PLCH2: variants seen among roughly 807,000 people sequenced by gnomAD.
PLCH2 encodes the protein 1-phosphatidylinositol 4,5-bisphosphate phosphodiesterase eta-2.
A neutral mutation model predicts 134.7 loss-of-function variants in PLCH2; 98 were observed. The ratio of observed to expected loss-of-function variants is 0.73; its 90% confidence interval spans 0.62 to 0.86. The LOEUF is 0.86. Ranked by LOEUF, PLCH2 falls within the 40% of genes least tolerant of loss-of-function variation. PLCH2 has a pLI of 0.00. For synonymous variants in PLCH2, 974 were observed against 827.5 expected (o/e 1.18, Z -3.04); for missense variants, 1,994 against 1,986.6 (o/e 1.00, Z -0.07).
upstream of PLCH2, among the ~76,000 whole-genome samples, chr1:2,424,965 A>G (rs368685684): frequency 1.6e-4 from 25 of 152,030 alleles, no homozygotes; most frequent in African/African-American, 4.1e-4. Flanking sequence ...CATCCTGGGC[A>G]ACAGAGCAAG....
intron 11 of PLCH2, 47 bp from the exon 12 acceptor site, chr1:2,494,809 G>T (rs41307848): frequency 7.2e-7 from 1 of 1,396,800 alleles, no homozygotes; most frequent in Non-Finnish European, 1.0e-6. Flanking sequence ...CTCCCTGCCT[G>T]GTTCAAGGCT....
intron 20 of PLCH2, chr1:2,500,698 C>G (rs1643171046): frequency 1.3e-5 from 2 of 152,230 alleles, no homozygotes; most frequent in Non-Finnish European, 2.9e-5. Flanking sequence ...TCCGGGGGCC[C>G]TGGCCATCCC....
At chr1:2,485,098 T>C (rs1642219949) in intron 5 of PLCH2, among the ~76,000 whole-genome samples, 1 of 152,098 alleles carries the variant, frequency 6.6e-6, no homozygotes, top group Non-Finnish European at 1.5e-5. Flanking sequence ...CCCGCCACAA[T>C]ATCCACTCAC....
At chr1:2,488,422 A>G (rs866351673) in intron 8 of PLCH2, among the ~76,000 whole-genome samples, 2 of 152,196 alleles carry the variant, frequency 1.3e-5, no homozygotes, top group African/African-American at 4.8e-5. Context: ...CTGTGCAGGC[A>G]CAATGTTCTC....
intron 4 of PLCH2, among the ~76,000 whole-genome samples, chr1:2,480,796 C>T: frequency 6.6e-6 from 1 of 152,254 alleles, no homozygotes; most frequent in East Asian, 1.9e-4. Context: ...CAGCCTTCAG[C>T]TGAGCTGCGG....
intron 20 of PLCH2, chr1:2,501,829 A>G (rs1643240636): frequency 5.1e-6 from 2 of 391,686 alleles, no homozygotes; most frequent in Non-Finnish European, 9.0e-6. Context: ...AGGGCCCCAC[A>G]TGCCCTGGAC....
chr1:2,484,604 C>T lies in PLCH2; in HGVS notation c.802C>T (p.Gln268Ter). 6.2e-7 allele frequency: 1 copy of T among 1,611,926 alleles called. No individual in the cohort carries two copies. Among genetic ancestry groups the T allele is most frequent in the Non-Finnish European group, 8.5e-7 (1 of 1,179,750 alleles). ...LDAASLQRFL[Q>*]VEQKMAGVTL... is the part of the protein sequence containing the mutation. ...TGCCGCCAGCCTGCAGCGCTTCCTGCAGGTGGAGCAGAAGGTGTGCTGCCC... is the reference window on the plus strand; with the variant it reads ...TGCCGCCAGCCTGCAGCGCTTCCTGTAGGTGGAGCAGAAGGTGTGCTGCCC... The change falls in exon 5 of 22, where the codon CAG becomes TAG. Residue 268 changes from glutamine (Q) to a stop codon, truncating the protein, a stop_gained. Transcript: ENST00000378486. LOFTEE classifies it high-confidence loss of function.
upstream of PLCH2, among the ~76,000 whole-genome samples, chr1:2,474,265 T>C (rs1249649130): frequency 2.6e-5 from 4 of 152,164 alleles, no homozygotes; most frequent in East Asian, 3.9e-4. Context: ...CCACGTCTCT[T>C]GGCCCGGGGC....
At chr1:2,452,759 G>A (rs1457869218) in intron 2 of PLCH2, among the ~76,000 whole-genome samples, 1 of 152,208 alleles carries the variant, frequency 6.6e-6, no homozygotes, top group East Asian at 1.9e-4. Context: ...GTCAGCCTTG[G>A]TCCTGGGAGG....
intron 12 of PLCH2, 41 bp downstream of exon 12, chr1:2,494,989 A>C (rs751708957): frequency 1.2e-5 from 17 of 1,374,606 alleles, no homozygotes; most frequent in South Asian, 1.1e-4. Flanking sequence ...GTCTGGGCCC[A>C]GTGTCCTCCC....
Position 2,504,178 on chromosome 1 carries a change from C to A in PLCH2, c.3216C>A (p.Pro1072=). The change falls in exon 22 of 22, where the codon CCC becomes CCA. Residue 1072 remains proline, a synonymous_variant. Transcript: ENST00000378486. ...CCGGCGGGGCATACGAGAGGGCCCCCGGCAGCCAGACGGACGGCAGGAGCC... is the reference window on the plus strand; with the variant it reads ...CCGGCGGGGCATACGAGAGGGCCCCAGGCAGCCAGACGGACGGCAGGAGCC... ...EGAGGAYERA[P]GSQTDGRSQP... The A allele has an allele frequency of 6.5e-7, 1 of 1,538,008 alleles. No individual in the cohort carries two copies. Among genetic ancestry groups the A allele is most frequent in the Non-Finnish European group, 8.7e-7 (1 of 1,143,360 alleles).
chr1:2,417,150 T>C, the PLCH2 span, among the ~76,000 whole-genome samples: 43 of 152,246 alleles, frequency 2.8e-4, no homozygotes, highest in African/African-American at 8.9e-4. Flanking sequence ...GTCGCTGGGA[T>C]TGGGGAGGGG....
chr1:2,466,679 G>T (rs908867985), upstream of PLCH2, among the ~76,000 whole-genome samples: 1 of 152,248 alleles, frequency 6.6e-6, no homozygotes, highest in Admixed American at 6.5e-5. Context: ...CCTTGGGGCA[G>T]AGGTGGTACC....
upstream of PLCH2, among the ~76,000 whole-genome samples, chr1:2,423,494 C>A (rs1638623033): frequency 6.6e-6 from 1 of 152,104 alleles, no homozygotes; most frequent in Non-Finnish European, 1.5e-5. Context: ...TTAATGATTG[C>A]AGGTGCCAAG....
upstream of PLCH2, among the ~76,000 whole-genome samples, chr1:2,464,709 C>A (rs1403561001): frequency 6.6e-6 from 1 of 152,226 alleles, no homozygotes; most frequent in East Asian, 1.9e-4. Context: ...CCACCCCTAC[C>A]CCTGTGAGAT....
rs1052532543 is a variant in PLCH2, at chr1:2,484,999, G to A, written c.816+381G>A. Among the ~76,000 whole-genome samples the A allele has an allele frequency of 3.3e-5, 5 of 152,106 alleles. No homozygotes were observed. The East Asian group carries it at 7.7e-4, about 23-fold the overall frequency. On this transcript the variant is annotated intron_variant, in intron 5 of 21. Transcript: ENST00000378486. Reference sequence around the variant, plus strand: ...CCTGCCTTGGTGTTGAGCATCTTGTGGACTAGGGTTCTGTGGCCCAGCCTT... The same window carrying A: ...CCTGCCTTGGTGTTGAGCATCTTGTAGACTAGGGTTCTGTGGCCCAGCCTT...
chr1:2,428,310 G>A lies in PLCH2; in HGVS notation c.-177-2028G>A, dbSNP rs568914251. ...GCGGGGAGCAGCAGGCCTCGCTGGG[G>A]ATGGCCCCATGACAAGACCAGCCAG... On this transcript the variant is annotated intron_variant, in intron 1 of 3. Coordinates refer to the PLCH2 transcript ENST00000609981. 2.1e-4 allele frequency among the ~76,000 whole-genome samples: 32 copies of A among 152,360 alleles called. 1 individual carries two copies. In the South Asian group the frequency reaches 6.0e-3, roughly 29 times the overall value.
Position 2,491,248 on chromosome 1 carries a change from C to T in PLCH2, c.1572C>T (p.Leu524=). 1.2e-6 allele frequency: 2 copies of T among 1,613,240 alleles called. No individual in the cohort carries two copies. The highest frequency in any genetic ancestry group is 2.7e-5 in the African/African-American group (2 of 75,056). Residue 524 remains leucine, a synonymous_variant, in exon 11 of 22, where the codon CTC becomes CTT. Coordinates refer to ENST00000378486, the MANE Select transcript of PLCH2 (RefSeq NM_014638.4). ...ENTAKRKLDS[L]IKESKIRDCE... The stretch of plus-strand genomic sequence containing the variant: ...CTGCTAAGAGGAAACTGGATTCCCT[C>T]ATCAAAGAGTCGAAGATTCGGGACT...
intron 2 of PLCH2, among the ~76,000 whole-genome samples, chr1:2,453,650 C>T (rs1557962451): frequency 2.0e-5 from 3 of 152,226 alleles, no homozygotes; most frequent in South Asian, 2.1e-4. Context: ...CCTTCCACCC[C>T]CTGTGGAGCA....
Sources: allele counts gnomAD v4.1 joint callset (sites outside exome capture counted in the v4.1 genomes callset), GRCh38; gene constraint gnomAD v4.1.1; transcripts MANE v1.5; gene names NCBI Gene and HGNC (gene_info 2026-07-23, HGNC 2026-07-21).